ELMO1: variants seen among roughly 807,000 people sequenced by gnomAD.
The protein encoded by ELMO1 is engulfment and cell motility 1.
In ELMO1, 26 loss-of-function variants were observed where a neutral mutation model predicts 98.9. The observed-to-expected ratio is 0.26, with a 90% CI of 0.19 to 0.36. The LOEUF (loss-of-function observed/expected upper bound fraction) is 0.36. ELMO1 is among the 10% of genes least tolerant of loss of function. The pLI is 1.00. For synonymous variants in ELMO1, 346 were observed against 346.0 expected, an observed-to-expected ratio of 1.00 and a Z score of 0.00; for missense variants, 627 against 935.2, an observed-to-expected ratio of 0.67 and a Z score of 4.30.
chr7:36,995,748 G>A (rs970057), intron 16 of ELMO1, among the ~76,000 whole-genome samples: 1,792 of 152,112 alleles, frequency 0.012, 44 homozygotes, highest in East Asian at 0.07. Flanking sequence ...TTTCTCACTC[G>A]TAAGTAACAA....
intron 16 of ELMO1, among the ~76,000 whole-genome samples, chr7:36,973,720 C>T (rs1348695485): frequency 6.6e-6 from 1 of 152,236 alleles, no homozygotes; most frequent in Non-Finnish European, 1.5e-5. Flanking sequence ...GAGACAGCTC[C>T]CTCGGCTTGC....
chr7:37,374,412 C>A (rs1306514066), intron 1 of ELMO1, among the ~76,000 whole-genome samples: 2 of 152,198 alleles, frequency 1.3e-5, no homozygotes, highest in Non-Finnish European at 2.9e-5. Context: ...ACCAATGCAT[C>A]ATTACTGGTT....
At chr7:36,874,938 C>A (rs1413878719) in intron 19 of ELMO1, among the ~76,000 whole-genome samples, 3 of 152,192 alleles carry the variant, frequency 2.0e-5, no homozygotes, top group African/African-American at 7.2e-5. Flanking sequence ...GCCAAGGAGG[C>A]ACCCTCAATC....
At chr7:37,420,623 C>T (rs1404280496) in intron 1 of ELMO1, among the ~76,000 whole-genome samples, 1 of 152,216 alleles carries the variant, frequency 6.6e-6, no homozygotes, top group African/African-American at 2.4e-5. Context: ...AGGTGGCATG[C>T]TGGCTAGACA....
intron 15 of ELMO1, among the ~76,000 whole-genome samples, chr7:37,048,455 T>C (rs1447246457): frequency 6.6e-6 from 1 of 152,256 alleles, no homozygotes; most frequent in East Asian, 1.9e-4. Flanking sequence ...TCCTGTGCAT[T>C]TGCATAATCA....
intron 13 of ELMO1, among the ~76,000 whole-genome samples, chr7:37,166,379 G>T (rs532885473): frequency 2.7e-4 from 41 of 152,082 alleles, no homozygotes; most frequent in African/African-American, 9.9e-4. Context: ...CCTTCTGCTA[G>T]CTTTTGAATG....
chr7:37,291,309 T>C (rs773906411), intron 4 of ELMO1, among the ~76,000 whole-genome samples: 4 of 152,172 alleles, frequency 2.6e-5, no homozygotes, highest in Non-Finnish European at 5.9e-5. Flanking sequence ...CTAGAGAAAG[T>C]GCTTTTAAAT....
chr7:36,971,684 CTG>C (rs1466738095), intron 16 of ELMO1, among the ~76,000 whole-genome samples: 3 of 152,178 alleles, frequency 2.0e-5, no homozygotes, highest in Non-Finnish European at 4.4e-5. Context: ...TGCTTGGCCT[CTG>C]TGACTAGCGG....
At chr7:36,972,298 A>G (rs2129134237) in intron 16 of ELMO1, among the ~76,000 whole-genome samples, 1 of 152,356 alleles carries the variant, frequency 6.6e-6, no homozygotes, top group South Asian at 2.1e-4. Context: ...CTGATGACCC[A>G]TGCCATGTCG....
intron 1 of ELMO1, among the ~76,000 whole-genome samples, chr7:37,416,589 A>C (rs1203496985): frequency 6.6e-6 from 1 of 152,266 alleles, no homozygotes; most frequent in East Asian, 1.9e-4. Flanking sequence ...CCCGCCCTAA[A>C]AGGAGGGCCA....
intron 7 of ELMO1, among the ~76,000 whole-genome samples, chr7:37,237,452 G>A (rs1004266500): frequency 6.6e-5 from 10 of 152,106 alleles, no homozygotes; most frequent in Admixed American, 6.6e-4. Context: ...ACCATGCCCA[G>A]CTAATTTTTG....
At chr7:37,390,754 C>A (rs1377624646) in intron 1 of ELMO1, among the ~76,000 whole-genome samples, 1 of 152,182 alleles carries the variant, frequency 6.6e-6, no homozygotes, top group Non-Finnish European at 1.5e-5. Context: ...CTTACCACCC[C>A]CCAGCCCCCA....
chr7:37,398,840 C>T (rs980691887), intron 1 of ELMO1, among the ~76,000 whole-genome samples: 5 of 152,230 alleles, frequency 3.3e-5, no homozygotes, highest in South Asian at 2.1e-4. Context: ...GGCCCTCCTT[C>T]GCCCCCAAGA....
chr7:37,449,207 A>G (rs1166711258), upstream of ELMO1: 3 of 152,242 alleles, frequency 2.0e-5, no homozygotes, highest in African/African-American at 7.2e-5. Context: ...TGTGCAGAGC[A>G]TGACTTCGAT....
At chr7:36,892,119 C>A (rs942193884) in intron 17 of ELMO1, among the ~76,000 whole-genome samples, 5 of 152,160 alleles carry the variant, frequency 3.3e-5, no homozygotes, top group Admixed American at 1.3e-4. Context: ...TTACATTTTT[C>A]TTCTCAGAAA....
chr7:37,108,763 A>G (rs1221919765), intron 14 of ELMO1, among the ~76,000 whole-genome samples: 3 of 152,184 alleles, frequency 2.0e-5, no homozygotes, highest in Non-Finnish European at 4.4e-5. Context: ...GTGCTCAGTA[A>G]TGAAGCAGTT....
intron 4 of ELMO1, among the ~76,000 whole-genome samples, chr7:37,274,386 G>A (rs560590370): frequency 3.6e-4 from 55 of 152,292 alleles, no homozygotes; most frequent in African/African-American, 1.1e-3. Flanking sequence ...CGCTCAGAGT[G>A]AGCCAGCAGA....
At chr7:37,159,232 C>T (rs964596746) in intron 13 of ELMO1, among the ~76,000 whole-genome samples, 1 of 152,148 alleles carries the variant, frequency 6.6e-6, no homozygotes. Context: ...AGCAAACAAA[C>T]ATGGTACATG....
At chr7:37,361,309 A>G (rs1461984115) in intron 1 of ELMO1, among the ~76,000 whole-genome samples, 1 of 152,268 alleles carries the variant, frequency 6.6e-6, no homozygotes, top group Admixed American at 6.5e-5. Flanking sequence ...GCAATAAAAA[A>G]GAATAAACTG....
Sources: gnomAD v4.1 joint callset for allele counts (sites outside exome capture counted in the v4.1 genomes callset) on GRCh38, gnomAD v4.1.1 for gene constraint, MANE v1.5 for transcripts, NCBI Gene and HGNC (gene_info 2026-07-23, HGNC 2026-07-21) for gene names.